CYP3A7: variants seen among roughly 807,000 people sequenced by gnomAD.
CYP3A7 encodes the protein cytochrome P450 3A7.
In CYP3A7, 45 loss-of-function variants were observed where a neutral mutation model predicts 55.2. That is an observed-to-expected ratio of 0.82 (90% CI 0.64 to 1.05). CYP3A7 has a LOEUF of 1.05. CYP3A7 is among the 50% of genes least tolerant of loss of function. The probability of loss-of-function intolerance (pLI) is 0.00; values close to 1 mark genes in which losing one functional copy is unlikely to be tolerated. For missense variants in CYP3A7, 548 were observed against 605.3 expected, an observed-to-expected ratio of 0.91 and a Z score of 0.99; for synonymous variants, 180 against 207.4, an observed-to-expected ratio of 0.87 and a Z score of 1.13.
At chr7:99,706,872 T>C (rs765489222) in intron 12 of CYP3A7, among the ~76,000 whole-genome samples, 1 of 152,236 alleles carries the variant, frequency 6.6e-6, no homozygotes, top group South Asian at 2.1e-4. Flanking sequence ...AAGGCACCAC[T>C]GGGATATTTT....
At chr7:99,713,140 C>G (rs1288959219) in intron 9 of CYP3A7, among the ~76,000 whole-genome samples, 2 of 152,080 alleles carry the variant, frequency 1.3e-5, no homozygotes, top group Non-Finnish European at 2.9e-5. Flanking sequence ...TTGCAGAAAC[C>G]TAATAAATTT....
chr7:99,722,690 T>G (rs984968394), intron 2 of CYP3A7, among the ~76,000 whole-genome samples: 13 of 152,216 alleles, frequency 8.5e-5, no homozygotes, highest in African/African-American at 3.1e-4. Context: ...TCTAGGGGCA[T>G]GTGGAGAAAC....
rs867166587 is a variant in CYP3A7 at position 99,715,971 on chromosome 7, C to T, written c.522-65G>A. On this transcript the variant is annotated intron_variant, in intron 6 of 12. Coordinates refer to ENST00000336374, the MANE Select transcript of CYP3A7 (RefSeq NM_000765.5). ...CTTTACCATCCTTCCTCTATGCGTG[C>T]AGCAGGAAATCCACATGTCCAGTCA... 20 of 1,611,178 alleles carry T rather than the reference C, an allele frequency of 1.2e-5. No individual in the cohort carries two copies. In the African/African-American group the frequency reaches 1.9e-4, roughly 15 times the overall value.
intron 4 of CYP3A7, among the ~76,000 whole-genome samples, chr7:99,719,514 T>C (rs934899018): frequency 1.3e-5 from 2 of 152,122 alleles, no homozygotes; most frequent in Non-Finnish European, 2.9e-5. Flanking sequence ...AGCATTAAAC[T>C]TTATGACTTT....
intron 2 of CYP3A7, among the ~76,000 whole-genome samples, chr7:99,723,952 C>T (rs1174879371): frequency 6.6e-6 from 1 of 152,208 alleles, no homozygotes; most frequent in East Asian, 1.9e-4. Context: ...GGTATCTGAT[C>T]ACTGTGGGGA....
At chr7:99,730,710 T>C (rs1814578175) in intron 2 of CYP3A7, 1 of 256,930 alleles carries the variant, frequency 3.9e-6, no homozygotes, top group East Asian at 8.9e-5. Flanking sequence ...GGGCTCCTGT[T>C]CCTACTTTTA....
rs1217444793 is a variant in CYP3A7, at chr7:99,731,168, A to G, written c.72-16T>C. On this transcript the variant is annotated splice_polypyrimidine_tract_variant and intron_variant, in intron 1 of 12. Coordinates refer to ENST00000336374, the MANE Select transcript of CYP3A7 (RefSeq NM_000765.5). ...GGTTCCATATCTACAAAGTGAAACA[A>G]AAATCAGGTCTCAGGGATTGTGACT... 3.7e-6 allele frequency: 6 copies of G among 1,613,664 alleles called. No individual in the cohort carries two copies. The South Asian group carries it at 6.6e-5, about 18-fold the overall frequency.
In CYP3A7 at chr7:99,720,329, A is replaced by G. The variant is rs201450861; in HGVS notation, c.302T>C (p.Val101Ala). Residue 101 changes from valine to alanine, a missense_variant, in exon 4 of 13, where the codon GTC becomes GCC. Coordinates refer to ENST00000336374, the MANE Select transcript of CYP3A7 (RefSeq NM_000765.5). Reference sequence around the variant, plus strand: ...GATGCTTACCCTCCGGTTTGTGAAGACAGAATAACATTCTTTCACTAGCAC... The same window carrying G: ...GATGCTTACCCTCCGGTTTGTGAAGGCAGAATAACATTCTTTCACTAGCAC... ...KTVLVKECYS[V>A]FTNRRPFGPV... 3.2e-5 allele frequency: 51 copies of G among 1,613,246 alleles called. No individual in the cohort carries two copies. Among genetic ancestry groups the G allele is most frequent in the Non-Finnish European group, 4.1e-5 (48 of 1,179,718 alleles).
chr7:99,733,715 A>G (rs1814718179), intron 1 of CYP3A7, among the ~76,000 whole-genome samples: 2 of 152,048 alleles, frequency 1.3e-5, no homozygotes, highest in South Asian at 4.1e-4. Context: ...ATGAATATCT[A>G]TTTGGAGTTC....
At chr7:99,712,626 A>G (rs939299070) in intron 9 of CYP3A7, among the ~76,000 whole-genome samples, 1 of 152,210 alleles carries the variant, frequency 6.6e-6, no homozygotes, top group Non-Finnish European at 1.5e-5. Flanking sequence ...CAGTAAGTAG[A>G]TAAATAGATG....
rs534258402 is a variant in CYP3A7 at position 99,709,180 on chromosome 7, C to T, written c.1108G>A (p.Ala370Thr). 6.2e-7 allele frequency: 1 copy of T among 1,614,012 alleles called. No individual in the cohort carries two copies. Among genetic ancestry groups the T allele is most frequent in the East Asian group, 2.2e-5 (1 of 44,862 alleles). The change falls in exon 11 of 13, where the codon GCT (alanine) becomes ACT (threonine). Residue 370 changes from alanine (A) to threonine (T), a missense_variant. By Grantham distance (58) the Ala-to-Thr change is moderately conservative. Transcript: ENST00000336374. ...VNETLRLFPV[A>T]MRLERVCKKD... ...TTGCAGACCCTCTCAAGTCTCATAG[C>T]AACTGGGAATAATCTGAGTGTTTCA...
intron 12 of CYP3A7, 122 bp downstream of exon 12, chr7:99,707,690 A>T (rs1271194946): frequency 6.7e-6 from 10 of 1,485,396 alleles, no homozygotes; most frequent in Admixed American, 2.0e-5. Flanking sequence ...GTCCAAATAG[A>T]TTCCTTGGCC....
At chr7:99,733,910 A>G (rs1363462088) in intron 1 of CYP3A7, among the ~76,000 whole-genome samples, 3 of 151,960 alleles carry the variant, frequency 2.0e-5, no homozygotes, top group African/African-American at 4.8e-5. Context: ...TTAAAAAGAC[A>G]TATGCAGTCT....
intron 8 of CYP3A7, among the ~76,000 whole-genome samples, 184 bp downstream of exon 8, chr7:99,714,371 A>G (rs1813859333): frequency 6.6e-6 from 1 of 152,142 alleles, no homozygotes; most frequent in Non-Finnish European, 1.5e-5. Flanking sequence ...ACTCATTCTC[A>G]TATCTCCTTC....
chr7:99,720,603 A>G (rs1814161700), intron 3 of CYP3A7, 191 bp from the exon 4 acceptor site: 1 of 581,590 alleles, frequency 1.7e-6, no homozygotes, highest in Non-Finnish European at 3.0e-6. Context: ...CCAAGTCTTC[A>G]TACGATGAAG....
Position 99,722,304 on chromosome 7 carries a change from T to A in CYP3A7, c.210A>T (p.Lys70Asn). ...FDMECYKKYR[K>N]VWGIYDCQQP... ...TCTTCCAGAATACTCACCCCCAGAC[T>A]TTTCTATACTTTTTATAACATTCCA... The change falls in exon 3 of 13, where the codon AAA becomes AAT. Residue 70 changes from lysine to asparagine, a missense_variant. Physicochemically the swap from Lys to Asn is moderately conservative, Grantham distance 94. Coordinates refer to ENST00000336374, the MANE Select transcript of CYP3A7 (RefSeq NM_000765.5). 6.2e-7 allele frequency: 1 copy of A among 1,613,592 alleles called. No individual in the cohort carries two copies. The highest frequency in any genetic ancestry group is 1.7e-5 in the Admixed American group (1 of 59,994).
chr7:99,734,996 A>G (rs1295208576), intron 1 of CYP3A7, 27 bp downstream of exon 1: 4 of 1,613,936 alleles, frequency 2.5e-6, no homozygotes, highest in Non-Finnish European at 3.4e-6. Context: ...AAGGAAACAG[A>G]GAAGAGGAGC....
intron 1 of CYP3A7, among the ~76,000 whole-genome samples, chr7:99,734,551 A>G (rs1167089874): frequency 5.9e-5 from 9 of 151,964 alleles, no homozygotes; most frequent in Non-Finnish European, 1.3e-4. Flanking sequence ...AACATCCATC[A>G]TAACCTCTAT....
intron 2 of CYP3A7, among the ~76,000 whole-genome samples, chr7:99,729,406 ACAT>A (rs1814538580): frequency 6.6e-6 from 1 of 152,098 alleles, no homozygotes; most frequent in African/African-American, 2.4e-5. Flanking sequence ...GCCCTGAGAA[ACAT>A]CATCCATTAT....
Sources: gnomAD v4.1 joint callset for allele counts (sites outside exome capture counted in the v4.1 genomes callset) on GRCh38, gnomAD v4.1.1 for gene constraint, MANE v1.5 for transcripts, NCBI Gene and HGNC (gene_info 2026-07-23, HGNC 2026-07-21) for gene names.